OPRM1: variants seen among roughly 807,000 people sequenced by gnomAD.
OPRM1 encodes mu-type opioid receptor.
Under a neutral mutation model 31.8 loss-of-function variants are expected in OPRM1, and 27 were observed. The ratio of observed to expected loss-of-function variants is 0.85; its 90% confidence interval spans 0.63 to 1.17. OPRM1 has a LOEUF of 1.17. Ranked by LOEUF, OPRM1 falls within the 50% of genes most tolerant of loss-of-function variation. The probability of loss-of-function intolerance (pLI) is 0.00; values close to 1 mark genes in which losing one functional copy is unlikely to be tolerated. For synonymous variants in OPRM1, 196 were observed against 189.9 expected, an observed-to-expected ratio of 1.03 and a Z score of -0.26; for missense variants, 536 against 511.1, an observed-to-expected ratio of 1.05 and a Z score of -0.47.
At chr6:154,234,135 G>A (rs1779931311) in intron 3 of OPRM1, among the ~76,000 whole-genome samples, 1 of 152,162 alleles carries the variant, frequency 6.6e-6, no homozygotes, top group Non-Finnish European at 1.5e-5. Flanking sequence ...TTGAGCCCAG[G>A]AGTTTGAGGT....
At position 154,181,736 on chromosome 6, in the gene OPRM1, C is replaced by T. The variant is rs571179932; in HGVS notation, c.1165-64957C>T. On this transcript the variant is annotated intron_variant, in intron 3 of 3. Coordinates refer to the OPRM1 transcript ENST00000337049. Reference sequence around the variant, plus strand: ...TCTGTCTCCACAGGGCCGCAGGGCACGAGACCTGAGAGCAGAAAATTGATA... The same window carrying T: ...TCTGTCTCCACAGGGCCGCAGGGCATGAGACCTGAGAGCAGAAAATTGATA... Among the ~76,000 whole-genome samples the T allele has an allele frequency of 7.2e-5, 11 of 152,184 alleles. No individual in the cohort carries two copies. The East Asian group carries it at 7.7e-4, about 11-fold the overall frequency.
chr6:154,120,192 T>A lies in OPRM1; in HGVS notation c.*1471T>A, dbSNP rs1797228583. Among the ~76,000 whole-genome samples the A allele has an allele frequency of 6.6e-6, 1 of 152,184 alleles. No individual in the cohort carries two copies. The highest frequency in any genetic ancestry group is 2.4e-5 in the African/African-American group (1 of 41,448). On this transcript the variant is annotated 3_prime_UTR_variant, in exon 4 of 4. Transcript: ENST00000330432. ...CTGAGTATTCCTGAGCCTACAATTG[T>A]AAAATTGTAGACTCCATTGTAAAAT...
At chr6:154,056,936 A>G (rs1783426450) in intron 1 of OPRM1, among the ~76,000 whole-genome samples, 1 of 152,246 alleles carries the variant, frequency 6.6e-6, no homozygotes. Context: ...AGCATGTTAA[A>G]GATCCAAGGC....
intron 3 of OPRM1, among the ~76,000 whole-genome samples, chr6:154,152,390 A>AAGAAAGAAAGAAAGAAAGAG (rs1360734115): frequency 3.2e-4 from 41 of 126,270 alleles, no homozygotes; most frequent in African/African-American, 5.5e-4. Context: ...GAAAGAAAGA[A>AAGAAAGAAAGAAAGAAAGAG]AGAGAAATAG....
At chr6:154,154,928 A>G (rs1424529572) in intron 3 of OPRM1, 1 of 152,536 alleles carries the variant, frequency 6.6e-6, no homozygotes, top group Non-Finnish European at 1.5e-5. Flanking sequence ...CAAGCACATT[A>G]AAATATATGG....
intron 1 of OPRM1, chr6:154,083,738 C>G (rs564254443): frequency 6.6e-6 from 1 of 152,446 alleles, no homozygotes; most frequent in Admixed American, 6.5e-5. Context: ...GTCAGGAGAT[C>G]GAGACCATCC....
At position 154,127,491 on chromosome 6, in the gene OPRM1, AATGTTTGTCATCACACAGATACACG is replaced by A. The variant is rs1797658621; in HGVS notation, c.*8771_*8795del. The stretch of plus-strand genomic sequence containing the variant: ...TTTAAGACGTTTTACTTGTCCCTGA[AATGTTTGTCATCACACAGATACACG>A]CTCAGGATAAGAACTACCAGACTAG... On this transcript the variant is annotated 3_prime_UTR_variant, in exon 4 of 4. Coordinates refer to ENST00000330432, the MANE Select transcript of OPRM1 (RefSeq NM_000914.5). 6.6e-6 allele frequency among the ~76,000 whole-genome samples: 1 copy of A among 152,052 alleles called. No individual in the cohort carries two copies. The highest frequency in any genetic ancestry group is 2.1e-4 in the South Asian group (1 of 4,802).
intron 1 of OPRM1, among the ~76,000 whole-genome samples, chr6:154,056,034 A>G (rs1213370047): frequency 6.6e-6 from 1 of 152,236 alleles, no homozygotes; most frequent in African/African-American, 2.4e-5. Flanking sequence ...CCCTATAAAG[A>G]GTCATCCTGA....
intron 3 of OPRM1, among the ~76,000 whole-genome samples, chr6:154,235,975 C>T (rs1242584548): frequency 1.3e-5 from 2 of 152,316 alleles, no homozygotes; most frequent in Non-Finnish European, 2.9e-5. Flanking sequence ...AACAGTGTAG[C>T]TGCTATGCAA....
chr6:154,195,074 C>T (rs1776480585), intron 3 of OPRM1, among the ~76,000 whole-genome samples: 1 of 152,058 alleles, frequency 6.6e-6, no homozygotes, highest in Admixed American at 6.6e-5. Flanking sequence ...GCTCCCTAAA[C>T]CTTCTTATGT....
At chr6:154,199,694 G>C (rs754884121) in intron 3 of OPRM1, 4 of 1,611,874 alleles carry the variant, frequency 2.5e-6, no homozygotes, top group Non-Finnish European at 3.4e-6. Flanking sequence ...TGATCCAGCA[G>C]GCTTATCTGG....
intron 3 of OPRM1, among the ~76,000 whole-genome samples, chr6:154,198,460 A>AT (rs1562536346): frequency 1.3e-5 from 2 of 152,114 alleles, no homozygotes; most frequent in Non-Finnish European, 2.9e-5. Context: ...TCTAATCTAG[A>AT]TAGTTGGCCT....
At position 154,129,230 on chromosome 6, in the gene OPRM1, C is replaced by T. The variant is rs181181846; in HGVS notation, c.*10509C>T. On this transcript the variant is annotated 3_prime_UTR_variant, in exon 4 of 4. Coordinates refer to ENST00000330432, the MANE Select transcript of OPRM1 (RefSeq NM_000914.5). ...GGTATGTGACAGGGGCTGCATGCACCGGTGGTCTGGGAGGAACAGAACAGG... is the reference window on the plus strand; with the variant it reads ...GGTATGTGACAGGGGCTGCATGCACTGGTGGTCTGGGAGGAACAGAACAGG... Among the ~76,000 whole-genome samples the T allele has an allele frequency of 1.9e-4, 29 of 152,254 alleles. No homozygotes were observed. Among genetic ancestry groups the T allele is most frequent in the Admixed American group, 1.3e-3 (20 of 15,292 alleles).
intron 3 of OPRM1, among the ~76,000 whole-genome samples, chr6:154,191,092 C>CT (rs1171222967): frequency 3.3e-5 from 5 of 151,950 alleles, no homozygotes; most frequent in African/African-American, 1.2e-4. Context: ...CTACAAAAGA[C>CT]TTAGAAGAAG....
At chr6:154,010,612 C>T in exon 1 of OPRM1, 1 of 1,521,270 alleles carries the variant, frequency 6.6e-7, no homozygotes, top group Admixed American at 2.0e-5. Context: ...TGATCTGTCA[C>T]AATATTGTAT....
intron 3 of OPRM1, among the ~76,000 whole-genome samples, chr6:154,166,494 C>G (rs536704939): frequency 6.6e-6 from 1 of 152,322 alleles, no homozygotes; most frequent in South Asian, 2.1e-4. Flanking sequence ...ATGTCCTTCC[C>G]TTGGTATTCA....
chr6:154,163,300 C>T (rs1799171019), intron 3 of OPRM1, among the ~76,000 whole-genome samples: 1 of 152,212 alleles, frequency 6.6e-6, no homozygotes, highest in Non-Finnish European at 1.5e-5. Flanking sequence ...ACACTCCCGC[C>T]CCAAGGTGTT....
rs66951776 is a variant in OPRM1 at position 154,182,977 on chromosome 6, C to CT, written c.1165-63706dup. ...AGGCTGAACAAATAAATGCCCTTAT[C>CT]TTTTTTTTTTCTTTTTTTTTGAGAC... On this transcript the variant is annotated intron_variant, in intron 3 of 3. Coordinates refer to the OPRM1 transcript ENST00000337049. Among the ~76,000 whole-genome samples the CT allele has an allele frequency of 2.2e-4, 33 of 148,724 alleles. 2 individuals are homozygous for CT. The highest frequency in any genetic ancestry group is 1.2e-3 in the Admixed American group (18 of 14,912).
chr6:154,229,616 A>G (rs1031716348), intron 3 of OPRM1, among the ~76,000 whole-genome samples: 2 of 151,898 alleles, frequency 1.3e-5, no homozygotes, highest in East Asian at 3.9e-4. Context: ...TTGGCCTCCC[A>G]ATGTGCTGGG....
Sources: gnomAD v4.1 joint callset for allele counts (sites outside exome capture counted in the v4.1 genomes callset) on GRCh38, gnomAD v4.1.1 for gene constraint, MANE v1.5 for transcripts, NCBI Gene and HGNC (gene_info 2026-07-23, HGNC 2026-07-21) for gene names.